NRXN2: variants seen among roughly 807,000 people sequenced by gnomAD.
NRXN2 encodes the protein neurexin-2-beta.
In NRXN2, 29 loss-of-function variants were observed where a neutral mutation model predicts 128.8. That is an observed-to-expected ratio of 0.23 (90% CI 0.17 to 0.31). The LOEUF is 0.31. Among genes scored for constraint, NRXN2 ranks in the 10% least tolerant of loss-of-function variants. The pLI is 1.00. For synonymous variants in NRXN2, 1,098 were observed against 1,075.2 expected (o/e 1.02, Z -0.41); for missense variants, 1,881 against 2,452.6 (o/e 0.77, Z 4.92).
rs2135677537 is a variant in NRXN2, at chr11:64,713,711, C to T, written c.-12G>A. The T allele has an allele frequency of 2.8e-6, 3 of 1,065,926 alleles. No individual in the cohort carries two copies. Among genetic ancestry groups the T allele is most frequent in the Non-Finnish European group, 3.4e-6 (3 of 884,154 alleles). 66.0% of individuals were successfully genotyped at this position (1,065,926 alleles called of 1,614,324 possible). Reference sequence around the variant, plus strand: ...CTCCCGGACGCCATGCCTACGGCGGCCCCGGCCCCGCCCGGCCCCCGGCCC... The same window carrying T: ...CTCCCGGACGCCATGCCTACGGCGGTCCCGGCCCCGCCCGGCCCCCGGCCC... On this transcript the variant is annotated 5_prime_UTR_variant, in exon 2 of 23. Coordinates refer to ENST00000265459, the MANE Select transcript of NRXN2 (RefSeq NM_015080.4).
intron 5 of NRXN2, chr11:64,688,566 C>A: frequency 1.0e-6 from 1 of 985,314 alleles, no homozygotes; most frequent in Non-Finnish European, 1.2e-6. Flanking sequence ...AGCCCTGAAG[C>A]ACCAGGGGGC....
Position 64,622,225 on chromosome 11 carries a change from C to T in NRXN2, c.4173+528G>A, listed in dbSNP as rs928608117. On this transcript the variant is annotated intron_variant, in intron 21 of 22. Coordinates refer to ENST00000265459, the MANE Select transcript of NRXN2 (RefSeq NM_015080.4). The surrounding 1 kb of genome is among the most constrained non-coding windows in gnomAD (Gnocchi z 4.3). ...GGCTTTCCCACTGCAGGGACCCCAG[C>T]AAACAAGGAGAGGCTCCTCCTAGCT... Among the ~76,000 whole-genome samples the T allele has an allele frequency of 6.6e-6, 1 of 152,168 alleles. No individual in the cohort carries two copies. Among genetic ancestry groups the T allele is most frequent in the African/African-American group, 2.4e-5 (1 of 41,434 alleles).
chr11:64,718,853 G>A (rs2057365480), intron 1 of NRXN2, among the ~76,000 whole-genome samples: 1 of 152,120 alleles, frequency 6.6e-6, no homozygotes, highest in Non-Finnish European at 1.5e-5. Context: ...AAGACCCCAT[G>A]CCTTTCCACA....
chr11:64,674,792 A>T (rs1333651839), intron 7 of NRXN2, among the ~76,000 whole-genome samples: 1 of 152,226 alleles, frequency 6.6e-6, no homozygotes, highest in East Asian at 1.9e-4. Context: ...TTAACATTTT[A>T]TAAAGCTTAG....
At chr11:64,690,306 G>A in intron 5 of NRXN2, 99 bp downstream of exon 5, 1 of 1,077,920 alleles carries the variant, frequency 9.3e-7, no homozygotes, top group Admixed American at 2.0e-5. Flanking sequence ...GAGAGGACAA[G>A]GGGATGTGCC....
At chr11:64,633,351 C>T (rs765948620) in intron 18 of NRXN2, among the ~76,000 whole-genome samples, 6 of 152,214 alleles carry the variant, frequency 3.9e-5, no homozygotes, top group Non-Finnish European at 8.8e-5. Flanking sequence ...ATGCTCCCTA[C>T]GTTCTTCACA....
chr11:64,626,381 G>T, intron 20 of NRXN2, 82 bp downstream of exon 20: 1 of 1,159,036 alleles, frequency 8.6e-7, no homozygotes. Flanking sequence ...GTGAAGGCAC[G>T]GAGGGGGAAA....
chr11:64,606,588 C>T lies in NRXN2; in HGVS notation c.*608G>A, dbSNP rs909105272. The T allele has an allele frequency of 2.0e-5, 3 of 151,372 alleles. No individual in the cohort carries two copies. The highest frequency in any genetic ancestry group is 2.0e-4 in the Admixed American group (3 of 15,234). 9.4% of individuals were successfully genotyped at this position (151,372 alleles called of 1,614,324 possible). A position where few individuals can be genotyped will look rare whatever the true frequency, so the allele number is the denominator to read the frequency against. ...CCTCTCCTGGTGAGGGGAGTTGGGG[C>T]ACTTGCCCCACCCCACCCCACCCAC... On this transcript the variant is annotated 3_prime_UTR_variant, in exon 23 of 23. Transcript: ENST00000265459.
intron 17 of NRXN2, chr11:64,642,963 A>C: frequency 2.4e-5 from 24 of 1,011,832 alleles, no homozygotes; most frequent in Middle Eastern, 4.9e-4. Flanking sequence ...AGCCAACAAA[A>C]TCAACTGGAT....
At chr11:64,686,645 T>C (rs2135568962) in intron 5 of NRXN2, among the ~76,000 whole-genome samples, 1 of 152,192 alleles carries the variant, frequency 6.6e-6, no homozygotes, top group Non-Finnish European at 1.5e-5. Context: ...CCAGCTATCA[T>C]CTCCACCCCC....
chr11:64,657,714 C>G (rs1465092231), intron 11 of NRXN2, among the ~76,000 whole-genome samples: 1 of 152,204 alleles, frequency 6.6e-6, no homozygotes, highest in Non-Finnish European at 1.5e-5. Context: ...CCATCCCAAC[C>G]CAAGGCTTGG....
Position 64,658,350 on chromosome 11 carries a change from C to G in NRXN2, c.2389+1982G>C, listed in dbSNP as rs553844728. ...TGGGGTCCTTGGCTGGGGCTATCCT[C>G]TTGTGACAGTTTCAGGGATGCAAGG... On this transcript the variant is annotated intron_variant, in intron 11 of 22. Transcript: ENST00000265459. Among the ~76,000 whole-genome samples, 6 of 152,324 alleles carry G rather than the reference C, an allele frequency of 3.9e-5. No individual in the cohort carries two copies. The South Asian group carries it at 8.3e-4, about 21-fold the overall frequency.
At chr11:64,705,861 G>A (rs372259270) in intron 2 of NRXN2, among the ~76,000 whole-genome samples, 1 of 148,940 alleles carries the variant, frequency 6.7e-6, no homozygotes, top group African/African-American at 2.5e-5. Context: ...CATCCAAGAG[G>A]AAGAATCCTA....
At chr11:64,650,257 C>T (rs1178015908) in intron 15 of NRXN2, among the ~76,000 whole-genome samples, 191 bp downstream of exon 15, 3 of 152,060 alleles carry the variant, frequency 2.0e-5, no homozygotes, top group Non-Finnish European at 4.4e-5. Flanking sequence ...TGGTGACATG[C>T]AGACTCACAA....
Position 64,667,398 on chromosome 11 carries a change from C to T in NRXN2, c.1650G>A (p.Arg550=), listed in dbSNP as rs770995027. The part of the protein sequence containing the change: ...GGAGSHSSAQ[R]ADYFAMELLD... ...ATAGCTCCATGGCAAAGTAGTCGGC[C>T]CGCTGAGCAGAGCTGTGGCTGCCAG... Residue 550 remains arginine (R), a synonymous_variant, in exon 9 of 23, where the codon CGG becomes CGA. Coordinates refer to ENST00000265459, the MANE Select transcript of NRXN2 (RefSeq NM_015080.4). The surrounding 1 kb of genome is among the most constrained non-coding windows in gnomAD (Gnocchi z 5.6). The T allele has an allele frequency of 1.2e-6, 2 of 1,614,198 alleles. No individual in the cohort carries two copies. Among genetic ancestry groups the T allele is most frequent in the Non-Finnish European group, 1.7e-6 (2 of 1,180,032 alleles).
chr11:64,608,822 G>C (rs1460369534), intron 22 of NRXN2, among the ~76,000 whole-genome samples: 1 of 152,142 alleles, frequency 6.6e-6, no homozygotes, highest in Non-Finnish European at 1.5e-5. Context: ...GGCTGGGGCT[G>C]AGGGGTGGTT....
chr11:64,662,346 G>GA (rs1303542039), intron 9 of NRXN2, among the ~76,000 whole-genome samples: 1 of 152,114 alleles, frequency 6.6e-6, no homozygotes, highest in Non-Finnish European at 1.5e-5. Context: ...GATTATCTTA[G>GA]AAAAAAGACT....
In NRXN2 at chr11:64,651,548, G is replaced by A. The variant is rs2047457704; in HGVS notation, c.2625C>T (p.Pro875=). 6.2e-7 allele frequency: 1 copy of A among 1,614,028 alleles called. No homozygotes were observed. Among genetic ancestry groups the A allele is most frequent in the South Asian group, 1.1e-5 (1 of 91,082 alleles). ...MTERRFISVV[P]SNFIGHLSGL... is the part of the protein sequence containing the mutation. The stretch of plus-strand genomic sequence containing the variant: ...CACTCAGATGCCCGATGAAGTTGGA[G>A]GGCACCACGGAGATAAACCGCCGCT... The change falls in exon 14 of 23, where the codon CCC becomes CCT. Residue 875 remains proline, a synonymous_variant. Transcript: ENST00000265459. This position sits in a 1 kb window ranked among gnomAD's most constrained non-coding sequence, Gnocchi z 5.9.
chr11:64,653,724 T>TGGGGGGGCCATGGGGCGGGCAGAGGG lies in NRXN2; in HGVS notation c.2390-28_2390-3dup. 6.3e-7 allele frequency: 1 copy of TGGGGGGGCCATGGGGCGGGCAGAGGG among 1,580,038 alleles called. No individual in the cohort carries two copies. The highest frequency in any genetic ancestry group is 8.6e-7 in the Non-Finnish European group (1 of 1,163,950). ...GTGCGCAGCCGACGCGCAGGCAGTC[T>TGGGGGGGCCATGGGGCGGGCAGAGGG]GGGGGGGCCATGGGGCGGGCAGAGG... On this transcript the variant is annotated splice_polypyrimidine_tract_variant and splice_region_variant and intron_variant, in intron 11 of 22. Transcript: ENST00000265459.
Sources: gnomAD v4.1 joint callset for allele counts (sites outside exome capture counted in the v4.1 genomes callset) on GRCh38, gnomAD v4.1.1 for gene constraint, Gnocchi (gnomAD v3.1) non-coding constraint, MANE v1.5 for transcripts, NCBI Gene and HGNC (gene_info 2026-07-23, HGNC 2026-07-21) for gene names.